NUDT2: variants seen among roughly 807,000 people sequenced by gnomAD.
NUDT2 encodes nudix hydrolase 2.
Under a neutral mutation model 14.2 loss-of-function variants are expected in NUDT2, and 12 were observed. The observed-to-expected ratio is 0.84, with a 90% confidence interval of 0.54 to 1.37. The LOEUF (loss-of-function observed/expected upper bound fraction) is 1.37, where lower values mean the gene tolerates loss of function less well. Ranked by LOEUF, NUDT2 falls within the 40% of genes most tolerant of loss-of-function variation. NUDT2 has a pLI of 0.00. For missense variants in NUDT2, 167 were observed against 176.7 expected (o/e 0.95, Z 0.31); for synonymous variants, 67 against 67.4 (o/e 0.99, Z 0.03).
intron 2 of NUDT2, among the ~76,000 whole-genome samples, chr9:34,337,089 T>C (rs566002489): frequency 2.8e-5 from 4 of 141,624 alleles, no homozygotes; most frequent in African/African-American, 1.0e-4. Flanking sequence ...AACCTCCACC[T>C]CCCGGGTTCA....
chr9:34,335,751 A>G (rs1838073577), intron 1 of NUDT2, among the ~76,000 whole-genome samples: 1 of 152,160 alleles, frequency 6.6e-6, no homozygotes, highest in African/African-American at 2.4e-5. Flanking sequence ...CTGTTAGCTG[A>G]TGTGGTTCTT....
intron 2 of NUDT2, among the ~76,000 whole-genome samples, chr9:34,337,901 G>A (rs980436094): frequency 6.6e-6 from 1 of 151,846 alleles, no homozygotes; most frequent in Non-Finnish European, 1.5e-5. Flanking sequence ...GCAGTGGCCC[G>A]ATCTCGGCTC....
At chr9:34,332,212 A>T (rs1223528178) in intron 1 of NUDT2, among the ~76,000 whole-genome samples, 1 of 152,194 alleles carries the variant, frequency 6.6e-6, no homozygotes, top group Non-Finnish European at 1.5e-5. Context: ...TACCAATGAG[A>T]TGTCATTTTG....
intron 1 of NUDT2, among the ~76,000 whole-genome samples, chr9:34,334,428 T>C (rs1446338703): frequency 6.6e-6 from 1 of 152,202 alleles, no homozygotes; most frequent in African/African-American, 2.4e-5. Context: ...ATTTGCATAT[T>C]GGATGCTGTG....
intron 1 of NUDT2, among the ~76,000 whole-genome samples, chr9:34,335,384 A>G (rs1838065719): frequency 6.6e-6 from 1 of 152,234 alleles, no homozygotes; most frequent in African/African-American, 2.4e-5. Flanking sequence ...ACCAACTTCC[A>G]AAGATACACA....
rs1838161031 is a variant in NUDT2, at chr9:34,338,707, T to C, written c.-151-6T>C. 1 of 179,648 alleles carries C rather than the reference T, an allele frequency of 5.6e-6. No homozygotes were observed. The highest frequency in any genetic ancestry group is 1.2e-5 in the Non-Finnish European group (1 of 84,794). The allele number at this position is 179,648 out of a possible 1,614,324, so 11.1% of individuals were successfully genotyped here. On this transcript the variant is annotated splice_polypyrimidine_tract_variant and splice_region_variant and intron_variant, in intron 2 of 4. Transcript: ENST00000379158. ...TCTCCCATTCCCAACATCTCTCTTG[T>C]TTCAGTGCGTTTGCTTCTGAGGATC...
chr9:34,339,655 C>A (rs552235420), intron 4 of NUDT2, among the ~76,000 whole-genome samples: 8 of 152,180 alleles, frequency 5.3e-5, no homozygotes, highest in African/African-American at 1.9e-4. Flanking sequence ...CCAGCCTGGG[C>A]AAAATGGCAA....
chr9:34,331,289 G>T (rs1257421835), intron 1 of NUDT2, among the ~76,000 whole-genome samples: 1 of 151,998 alleles, frequency 6.6e-6, no homozygotes, highest in African/African-American at 2.4e-5. Flanking sequence ...ATGACACACG[G>T]GTAACAGTAA....
intron 1 of NUDT2, among the ~76,000 whole-genome samples, chr9:34,330,057 A>G (rs1443422433): frequency 1.3e-5 from 2 of 152,240 alleles, no homozygotes; most frequent in Non-Finnish European, 2.9e-5. Flanking sequence ...AGAAGTAAAG[A>G]AAGTCGAACA....
rs969392194 is a variant in NUDT2, at chr9:34,329,592, T to G, written c.-272T>G. The G allele has an allele frequency of 6.6e-6, 1 of 152,332 alleles. No individual in the cohort carries two copies. Among genetic ancestry groups the G allele is most frequent in the Non-Finnish European group, 1.5e-5 (1 of 68,156 alleles). The allele number at this position is 152,332 out of a possible 1,614,324, so 9.4% of individuals were successfully genotyped here. A position where few individuals can be genotyped will look rare whatever the true frequency, so the allele number is the denominator to read the frequency against. On this transcript the variant is annotated 5_prime_UTR_variant, in exon 1 of 5. Transcript: ENST00000379158. Reference sequence around the variant, plus strand: ...CCAAGGTCCGCCTCCTACCTCCTTCTGCTTCGGGTGAGTACCCTTAAGGGC... The same window carrying G: ...CCAAGGTCCGCCTCCTACCTCCTTCGGCTTCGGGTGAGTACCCTTAAGGGC...
At chr9:34,333,794 T>C (rs541018033) in intron 1 of NUDT2, among the ~76,000 whole-genome samples, 2 of 152,214 alleles carry the variant, frequency 1.3e-5, no homozygotes, top group African/African-American at 4.8e-5. Context: ...ACAAAAATTA[T>C]AGACTTTGGA....
chr9:34,331,534 C>CAG (rs1323158136), intron 1 of NUDT2, among the ~76,000 whole-genome samples: 2 of 152,178 alleles, frequency 1.3e-5, no homozygotes, highest in African/African-American at 4.8e-5. Context: ...GAATACCAGA[C>CAG]AGATGCAGGG....
Position 34,343,106 on chromosome 9 carries a change from C to T in NUDT2, c.128-18C>T, listed in dbSNP as rs1820234885. 9 of 1,566,408 alleles carry T rather than the reference C, an allele frequency of 5.7e-6. No homozygotes were observed. Among genetic ancestry groups the T allele is most frequent in the Middle Eastern group, 1.7e-4 (1 of 5,838 alleles). ...GGAAGATTTCCTCCTCCTTTTCTTC[C>T]TCTTTTCTCCTAACTAGGCCATGTG... On this transcript the variant is annotated intron_variant, in intron 4 of 4. Transcript: ENST00000379158.
chr9:34,338,697 A>G lies in NUDT2; in HGVS notation c.-151-16A>G, dbSNP rs1026440385. On this transcript the variant is annotated splice_polypyrimidine_tract_variant and intron_variant, in intron 2 of 4. Transcript: ENST00000379158. The stretch of plus-strand genomic sequence containing the variant: ...GTACTGCCTCTCTCCCATTCCCAAC[A>G]TCTCTCTTGTTTCAGTGCGTTTGCT... The G allele has an allele frequency of 5.7e-6, 1 of 174,556 alleles. No homozygotes were observed. The allele number at this position is 174,556 out of a possible 1,614,324, so 10.8% of individuals were successfully genotyped here.
At position 34,338,777 on chromosome 9, in the gene NUDT2, C is replaced by T. The variant is rs80275122; in HGVS notation, c.-87C>T. 2.0e-3 allele frequency: 569 copies of T among 277,902 alleles called. 3 individuals carry two copies. The highest frequency in any genetic ancestry group is 0.012 in the African/African-American group (546 of 46,466). 17.2% of individuals were successfully genotyped at this position (277,902 alleles called of 1,614,324 possible). The stretch of plus-strand genomic sequence containing the variant: ...CATGCCAGCCCTGTTTTACAGGGAG[C>T]CCTGGAGGAGTTGGGATAGAGGCCA... On this transcript the variant is annotated 5_prime_UTR_variant, in exon 3 of 5. Coordinates refer to ENST00000379158, the MANE Select transcript of NUDT2 (RefSeq NM_001161.5).
intron 4 of NUDT2, among the ~76,000 whole-genome samples, chr9:34,342,399 A>T (rs1322748187): frequency 6.6e-6 from 1 of 152,140 alleles, no homozygotes; most frequent in Non-Finnish European, 1.5e-5. Context: ...GCTAACTTCC[A>T]CTTGTTAAGA....
chr9:34,329,800 G>A (rs1948435240), intron 1 of NUDT2, among the ~76,000 whole-genome samples: 1 of 152,198 alleles, frequency 6.6e-6, no homozygotes, highest in Non-Finnish European at 1.5e-5. Context: ...TGCACCGGGA[G>A]AAGGGAGGTT....
chr9:34,339,215 GA>G (rs780876652), intron 4 of NUDT2, 49 bp downstream of exon 4: 1 of 1,594,626 alleles, frequency 6.3e-7, no homozygotes, highest in South Asian at 1.1e-5. Flanking sequence ...CCACTGCTCA[GA>G]AATCTACCCT....
intron 4 of NUDT2, among the ~76,000 whole-genome samples, chr9:34,340,626 G>A (rs1250794989): frequency 6.6e-6 from 1 of 152,186 alleles, no homozygotes; most frequent in African/African-American, 2.4e-5. Flanking sequence ...CAGCACTCCT[G>A]ACCTCACCTC....
Sources: allele counts gnomAD v4.1 joint callset (sites outside exome capture counted in the v4.1 genomes callset), GRCh38; gene constraint gnomAD v4.1.1; transcripts MANE v1.5; gene names NCBI Gene and HGNC (gene_info 2026-07-23, HGNC 2026-07-21).